AIG1: variants seen among roughly 807,000 people sequenced by gnomAD.
The protein encoded by AIG1 is androgen-induced gene 1 protein.
A neutral mutation model predicts 31.4 loss-of-function variants in AIG1; 23 were observed. The observed-to-expected ratio is 0.73, with a 90% CI of 0.53 to 1.04. AIG1 has a LOEUF of 1.04. Among genes scored for constraint, AIG1 ranks in the 50% least tolerant of loss-of-function variants. The pLI, the probability that AIG1 is intolerant of heterozygous loss-of-function variation, is 0.00. For missense variants in AIG1, 274 were observed against 295.0 expected (o/e 0.93, Z 0.52); for synonymous variants, 100 against 110.5 (o/e 0.90, Z 0.60).
At chr6:143,227,260 G>A (rs146500041) in intron 3 of AIG1, among the ~76,000 whole-genome samples, 1 of 152,286 alleles carries the variant, frequency 6.6e-6, no homozygotes, top group Non-Finnish European at 1.5e-5. Flanking sequence ...CAAATGCTTA[G>A]TTATGTCCTG....
chr6:143,211,955 A>C (rs1271362730), intron 3 of AIG1, among the ~76,000 whole-genome samples: 1 of 151,784 alleles, frequency 6.6e-6, no homozygotes, highest in Non-Finnish European at 1.5e-5. Flanking sequence ...GTGGTATCCT[A>C]CTTGTTCTGA....
downstream of AIG1, chr6:143,342,742 C>G: frequency 1.2e-6 from 1 of 863,626 alleles, no homozygotes; most frequent in Non-Finnish European, 2.0e-6. Context: ...TAAGTGATGG[C>G]CAGCGGACTC....
intron 1 of AIG1, among the ~76,000 whole-genome samples, chr6:143,092,756 G>T (rs539379667): frequency 6.6e-6 from 1 of 152,238 alleles, no homozygotes; most frequent in Non-Finnish European, 1.5e-5. Context: ...GTCCATCAAA[G>T]CTTTGAGGTC....
At chr6:143,176,289 G>A (rs1788152165) in intron 3 of AIG1, among the ~76,000 whole-genome samples, 1 of 152,172 alleles carries the variant, frequency 6.6e-6, no homozygotes, top group African/African-American at 2.4e-5. Flanking sequence ...CTCCAGCCAG[G>A]AGGTGGCGCT....
intron 3 of AIG1, among the ~76,000 whole-genome samples, chr6:143,209,496 A>G (rs1185636108): frequency 6.6e-6 from 1 of 152,190 alleles, no homozygotes; most frequent in African/African-American, 2.4e-5. Flanking sequence ...AGAAGAGTCA[A>G]TGTCAGAGTA....
chr6:143,235,682 C>T (rs1026318856), intron 3 of AIG1, among the ~76,000 whole-genome samples: 1 of 152,138 alleles, frequency 6.6e-6, no homozygotes, highest in Non-Finnish European at 1.5e-5. Flanking sequence ...AAATAAACAA[C>T]AGAAAAGGAT....
intron 1 of AIG1, among the ~76,000 whole-genome samples, chr6:143,091,240 A>G (rs1779280854): frequency 6.6e-6 from 1 of 152,200 alleles, no homozygotes; most frequent in South Asian, 2.1e-4. Flanking sequence ...AAAATCATCC[A>G]TGAGGGTTGG....
At chr6:143,102,016 A>G (rs1455332041) in intron 1 of AIG1, among the ~76,000 whole-genome samples, 1 of 152,162 alleles carries the variant, frequency 6.6e-6, no homozygotes, top group Non-Finnish European at 1.5e-5. Context: ...TGGGAAACAG[A>G]CCTAGCCTAT....
intron 3 of AIG1, among the ~76,000 whole-genome samples, chr6:143,247,630 T>G (rs536452421): frequency 1.3e-5 from 2 of 152,308 alleles, no homozygotes; most frequent in Admixed American, 1.3e-4. Context: ...CAGACATCTC[T>G]TTGGGTAAGT....
At chr6:143,242,351 A>G (rs908459505) in intron 3 of AIG1, among the ~76,000 whole-genome samples, 1 of 152,246 alleles carries the variant, frequency 6.6e-6, no homozygotes, top group South Asian at 2.1e-4. Context: ...TAACCCTTCT[A>G]TAATAACAAC....
intron 4 of AIG1, among the ~76,000 whole-genome samples, chr6:143,319,593 A>G (rs1776038316): frequency 6.6e-6 from 1 of 152,206 alleles, no homozygotes; most frequent in African/African-American, 2.4e-5. Context: ...CATGTAATCA[A>G]ACACCACCTG....
At chr6:143,219,773 A>G (rs1006724118) in intron 3 of AIG1, among the ~76,000 whole-genome samples, 2 of 152,094 alleles carry the variant, frequency 1.3e-5, no homozygotes, top group African/African-American at 4.8e-5. Flanking sequence ...TGGTTAAAAT[A>G]TAGATTATGC....
intron 4 of AIG1, among the ~76,000 whole-genome samples, chr6:143,317,188 G>A (rs547881702): frequency 9.4e-4 from 143 of 151,820 alleles, no homozygotes; most frequent in Non-Finnish European, 1.3e-3. Flanking sequence ...ATACCAAAAC[G>A]AGGAAAGGAC....
chr6:143,149,255 G>A (rs532438082), intron 2 of AIG1, among the ~76,000 whole-genome samples: 8 of 152,162 alleles, frequency 5.3e-5, no homozygotes, highest in Admixed American at 2.6e-4. Context: ...GGCTGGGTGC[G>A]GTGGCTTACA....
intron 3 of AIG1, among the ~76,000 whole-genome samples, chr6:143,247,352 G>A (rs1794692128): frequency 6.6e-6 from 1 of 152,174 alleles, no homozygotes; most frequent in Non-Finnish European, 1.5e-5. Context: ...GGATGGTCTT[G>A]ATCTCCTAAC....
intron 1 of AIG1, among the ~76,000 whole-genome samples, chr6:143,071,656 CGTGGTG>C (rs925359508): frequency 6.6e-6 from 1 of 151,582 alleles, no homozygotes; most frequent in Non-Finnish European, 1.5e-5. Flanking sequence ...GATATCTCAT[CGTGGTG>C]GTGGTGGTAG....
intron 2 of AIG1, among the ~76,000 whole-genome samples, chr6:143,157,344 A>G (rs1419274107): frequency 1.3e-5 from 2 of 151,366 alleles, no homozygotes; most frequent in African/African-American, 2.4e-5. Flanking sequence ...CTCCTTGACC[A>G]CAATCCGCAG....
At chr6:143,183,419 C>T (rs1333732837) in intron 3 of AIG1, among the ~76,000 whole-genome samples, 2 of 152,312 alleles carry the variant, frequency 1.3e-5, no homozygotes, top group African/African-American at 4.8e-5. Context: ...TGGCCTCAAT[C>T]TCCTGACCTC....
chr6:143,321,376 A>C (rs1049527464), intron 4 of AIG1, among the ~76,000 whole-genome samples: 1 of 151,802 alleles, frequency 6.6e-6, no homozygotes, highest in Non-Finnish European at 1.5e-5. Flanking sequence ...AAGGCGGGTG[A>C]TCACTTGAGG....
Sources: gnomAD v4.1 joint callset for allele counts (sites outside exome capture counted in the v4.1 genomes callset) on GRCh38, gnomAD v4.1.1 for gene constraint, MANE v1.5 for transcripts, NCBI Gene and HGNC (gene_info 2026-07-23, HGNC 2026-07-21) for gene names.